The following CAPN15 variants were observed in gnomAD, a reference collection of about 807,000 sequenced individuals.
The protein encoded by CAPN15 is calpain-15.
CAPN15 carries 53 observed loss-of-function variants against 97.9 expected under a neutral mutation model. The observed-to-expected ratio is 0.54, with a 90% CI of 0.43 to 0.68. The LOEUF (loss-of-function observed/expected upper bound fraction) is 0.68, where lower values mean the gene tolerates loss of function less well. Ranked by LOEUF, CAPN15 falls within the 30% of genes least tolerant of loss-of-function variation. The probability of loss-of-function intolerance (pLI) is 0.00; values close to 1 mark genes in which losing one functional copy is unlikely to be tolerated. For synonymous variants in CAPN15, 922 were observed against 722.5 expected (o/e 1.28, Z -4.43); for missense variants, 1,592 against 1,589.8 (o/e 1.00, Z -0.02).
rs772999690 is a variant in CAPN15, at chr16:552,833, C to G, written c.2905-30C>G. On this transcript the variant is annotated intron_variant, in intron 12 of 13. Coordinates refer to ENST00000219611, the MANE Select transcript of CAPN15 (RefSeq NM_005632.3). This position sits in a 1 kb window ranked among gnomAD's most constrained non-coding sequence, Gnocchi z 6.4. ...GGGGGAGTATGCCCCAGCACCTCCC[C>G]TGCCCCACAACTGCCATTCCTGTGC... 5.1e-6 allele frequency: 8 copies of G among 1,576,730 alleles called. No homozygotes were observed. Among genetic ancestry groups the G allele is most frequent in the Non-Finnish European group, 6.9e-6 (8 of 1,158,678 alleles).
intron 4 of CAPN15, 97 bp downstream of exon 4, chr16:548,384 C>T: frequency 4.9e-6 from 6 of 1,237,022 alleles, no homozygotes; most frequent in South Asian, 3.3e-5. Context: ...GGGGAGGAGC[C>T]CACAAGGCCT....
intron 7 of CAPN15, among the ~76,000 whole-genome samples, chr16:550,650 T>A (rs1335532095): frequency 1.4e-5 from 2 of 141,804 alleles, no homozygotes; most frequent in South Asian, 4.6e-4. Flanking sequence ...GAGGGTTCCC[T>A]GTCGGTGAGG....
chr16:529,647 C>T (rs1179960776), intron 1 of CAPN15, among the ~76,000 whole-genome samples: 1 of 152,144 alleles, frequency 6.6e-6, no homozygotes, highest in Non-Finnish European at 1.5e-5. Flanking sequence ...CGAGTTGCCC[C>T]TGGTCCAGCC....
intron 7 of CAPN15, among the ~76,000 whole-genome samples, chr16:550,735 TCGGTGAGGGTCCC>T (rs1567156878): frequency 1.5e-4 from 18 of 121,142 alleles, no homozygotes; most frequent in African/African-American, 4.8e-4. Flanking sequence ...AGGGTCCCCG[TCGGTGAGGGTCCC>T]GGTCGGTGAG....
At chr16:541,110 C>A (rs2034080712) in intron 3 of CAPN15, among the ~76,000 whole-genome samples, 1 of 152,246 alleles carries the variant, frequency 6.6e-6, no homozygotes, top group Non-Finnish European at 1.5e-5. Flanking sequence ...CACCTGGCGG[C>A]AGCTCCCACG....
chr16:546,934 G>T lies in CAPN15; in HGVS notation c.96G>T (p.Lys32Asn), dbSNP rs747881508. The change falls in exon 4 of 14, where the codon AAG becomes AAT. Residue 32 changes from lysine to asparagine, a missense_variant. Lys to Asn is a moderately conservative substitution (Grantham distance 94, BLOSUM62 0). This residue lies in a region of CAPN15 where 883 missense variants were observed against 776.6 expected (regional missense o/e 1.14). Transcript: ENST00000219611. Reference sequence around the variant, plus strand: ...CCATCTGCGAGGCTCCCCGGCACAAGCCCGACCTCAACCACATCCTGCGGC... The same window carrying T: ...CCATCTGCGAGGCTCCCCGGCACAATCCCGACCTCAACCACATCCTGCGGC... ...QCSICEAPRH[K>N]PDLNHILRLS... 2.5e-6 allele frequency: 4 copies of T among 1,610,764 alleles called. No homozygotes were observed. The Admixed American group carries it at 6.7e-5, about 27-fold the overall frequency.
intron 3 of CAPN15, among the ~76,000 whole-genome samples, chr16:540,774 C>T (rs1283161909): frequency 2.6e-5 from 4 of 152,232 alleles, no homozygotes; most frequent in Non-Finnish European, 4.4e-5. Context: ...TCACAGGCCA[C>T]ATGGCTTGGT....
rs1170363311 is a variant in CAPN15, at chr16:552,848, C to A, written c.2905-15C>A. On this transcript the variant is annotated splice_polypyrimidine_tract_variant and intron_variant, in intron 12 of 13. Transcript: ENST00000219611. This position sits in a 1 kb window ranked among gnomAD's most constrained non-coding sequence, Gnocchi z 6.4. ...AGCACCTCCCCTGCCCCACAACTGC[C>A]ATTCCTGTGCCCAGGGCCGTGAGGG... 6.3e-7 allele frequency: 1 copy of A among 1,586,460 alleles called. No homozygotes were observed. The highest frequency in any genetic ancestry group is 2.3e-5 in the East Asian group (1 of 44,416).
At position 552,883 on chromosome 16, in the gene CAPN15, C is replaced by A; in HGVS notation, c.2925C>A (p.Cys975Ter). The A allele has an allele frequency of 6.2e-7, 1 of 1,608,138 alleles. No homozygotes were observed. The highest frequency in any genetic ancestry group is 8.5e-7 in the Non-Finnish European group (1 of 1,177,174). ...ERHEGREGMTCYYLTHGWAGL... is the reference protein window; with the variant it reads ...ERHEGREGMT ...CCCAGGGCCGTGAGGGCATGACCTG[C>A]TACTACCTGACACACGGTTGGGCGG... is the stretch of plus-strand genomic sequence containing the variant. The change falls in exon 13 of 14, where the codon TGC becomes TGA. Residue 975 changes from cysteine to a stop codon, truncating the protein, a stop_gained. Transcript: ENST00000219611. LOFTEE classifies it high-confidence loss of function. This position sits in a 1 kb window ranked among gnomAD's most constrained non-coding sequence, Gnocchi z 6.4.
intron 3 of CAPN15, among the ~76,000 whole-genome samples, chr16:542,928 A>G (rs9921667): frequency 0.098 from 14,980 of 152,126 alleles, 2,513 homozygotes; most frequent in African/African-American, 0.34. Context: ...ACGGGCACCT[A>G]TAATCCTAGC....
chr16:547,494 GC>G lies in CAPN15; in HGVS notation c.659del (p.Pro220GlnfsTer67). The G allele has an allele frequency of 6.3e-7, 1 of 1,597,624 alleles. No homozygotes were observed. Among genetic ancestry groups the G allele is most frequent in the Non-Finnish European group, 8.5e-7 (1 of 1,178,922 alleles). The part of the protein sequence containing the change: ...AEANPPATSQ[G>X]PAAEPEPPRV... ...GCCAACCCCCCAGCCACCAGCCAGG[GC>G]CCAGCTGCCGAACCAGAGCCGCCCA... On this transcript the variant is annotated frameshift_variant, in exon 4 of 14. Transcript: ENST00000219611. LOFTEE classifies it high-confidence loss of function.
chr16:532,426 G>A (rs988600429), intron 1 of CAPN15, among the ~76,000 whole-genome samples: 1 of 151,262 alleles, frequency 6.6e-6, no homozygotes, highest in African/African-American at 2.4e-5. Flanking sequence ...GTGGTGGTGT[G>A]TGCCTGTAAT....
In CAPN15 at chr16:554,077, G is replaced by A. The variant is rs1397541293; in HGVS notation, c.*561G>A. On this transcript the variant is annotated 3_prime_UTR_variant, in exon 14 of 14. Coordinates refer to ENST00000219611, the MANE Select transcript of CAPN15 (RefSeq NM_005632.3). ...AGGGGCCCTTGGCCAGCCCCCCAGCGACACTATGCAAATCCTGGAGTGCCC... is the reference window on the plus strand; with the variant it reads ...AGGGGCCCTTGGCCAGCCCCCCAGCAACACTATGCAAATCCTGGAGTGCCC... 4 of 180,560 alleles carry A rather than the reference G, an allele frequency of 2.2e-5. No homozygotes were observed. The highest frequency in any genetic ancestry group is 5.5e-5 in the Admixed American group (1 of 18,228). The allele number at this position is 180,560 out of a possible 1,614,324, so 11.2% of individuals were successfully genotyped here. A position where few individuals can be genotyped will look rare whatever the true frequency, so the allele number is the denominator to read the frequency against.
At chr16:537,980 A>T (rs1334529801) in intron 3 of CAPN15, 1 of 152,230 alleles carries the variant, frequency 6.6e-6, no homozygotes, top group Non-Finnish European at 1.5e-5. Flanking sequence ...TGTCTCCGTC[A>T]TGTTTTACGT....
chr16:546,253 C>T (rs974229469), intron 3 of CAPN15, among the ~76,000 whole-genome samples: 3 of 152,204 alleles, frequency 2.0e-5, no homozygotes, highest in South Asian at 4.1e-4. Flanking sequence ...TCTTCCTGAA[C>T]CAAAAGGGTT....
chr16:538,062 G>T (rs955105420), intron 3 of CAPN15: 1 of 152,230 alleles, frequency 6.6e-6, no homozygotes, highest in African/African-American at 2.4e-5. Flanking sequence ...GGCTTGTTTT[G>T]TCTGTTCCTT....
At chr16:530,733 G>A (rs1403476026) in intron 1 of CAPN15, among the ~76,000 whole-genome samples, 1 of 152,198 alleles carries the variant, frequency 6.6e-6, no homozygotes, top group Admixed American at 6.5e-5. Context: ...TGCACGGAAT[G>A]GGGTCTGTGG....
chr16:531,211 ATTTT>A (rs1481035466), intron 1 of CAPN15, among the ~76,000 whole-genome samples: 1 of 152,004 alleles, frequency 6.6e-6, no homozygotes, highest in East Asian at 1.9e-4. Flanking sequence ...TTTAAGTTTT[ATTTT>A]TTTGAGCCAG....
At chr16:530,280 C>G (rs78834549) in intron 1 of CAPN15, among the ~76,000 whole-genome samples, 1 of 152,206 alleles carries the variant, frequency 6.6e-6, no homozygotes, top group African/African-American at 2.4e-5. Context: ...GGGCAGGGTC[C>G]GTTTCTGTTT....
Sources: allele counts gnomAD v4.1 joint callset (sites outside exome capture counted in the v4.1 genomes callset), GRCh38; gene constraint gnomAD v4.1.1; regional missense constraint gnomAD v4.1.1; non-coding constraint Gnocchi (gnomAD v3.1); transcripts MANE v1.5; gene names NCBI Gene and HGNC (gene_info 2026-07-23, HGNC 2026-07-21).